Variants in SLC9A2 observed in about 807,000 individuals in gnomAD.
SLC9A2 encodes the protein sodium/hydrogen exchanger 2.
SLC9A2 carries 42 observed loss-of-function variants against 71.7 expected under a neutral mutation model. That is an observed-to-expected ratio of 0.59 (90% CI 0.46 to 0.76). SLC9A2 has a LOEUF of 0.76. Among genes scored for constraint, SLC9A2 ranks in the 30% least tolerant of loss-of-function variants. The pLI is 0.00. For synonymous variants in SLC9A2, 396 were observed against 392.5 expected (o/e 1.01, Z -0.10); for missense variants, 829 against 1,017.4 (o/e 0.81, Z 2.52).
intron 3 of SLC9A2, among the ~76,000 whole-genome samples, chr2:102,678,616 T>C (rs1677389233): frequency 6.6e-6 from 1 of 152,154 alleles, no homozygotes; most frequent in Admixed American, 6.5e-5. Context: ...GAGGAAGAAA[T>C]CTTATCTCTT....
chr2:102,665,773 T>TAAAAA (rs11426516), intron 3 of SLC9A2, among the ~76,000 whole-genome samples: 3,472 of 38,624 alleles, frequency 0.09, 533 homozygotes, highest in East Asian at 0.16. Flanking sequence ...GACTCTGTCT[T>TAAAAA]AAAAAAAAAA....
intron 3 of SLC9A2, among the ~76,000 whole-genome samples, chr2:102,681,118 C>G (rs1457890392): frequency 2.6e-5 from 4 of 152,190 alleles, no homozygotes; most frequent in African/African-American, 9.6e-5. Context: ...GAGATGGATA[C>G]AAACAGGCTT....
At chr2:102,667,999 G>A (rs1677174467) in intron 3 of SLC9A2, among the ~76,000 whole-genome samples, 1 of 152,038 alleles carries the variant, frequency 6.6e-6, no homozygotes, top group Non-Finnish European at 1.5e-5. Context: ...CACTTGAACT[G>A]GGAAGTGGAG....
At chr2:102,651,142 C>T (rs58793722) in intron 1 of SLC9A2, among the ~76,000 whole-genome samples, 37,958 of 151,994 alleles carry the variant, frequency 0.25, 6,415 homozygotes, top group African/African-American at 0.48. Flanking sequence ...CCCCCTCCTG[C>T]CCTACTCACC....
At chr2:102,692,571 C>G (rs147907342) in intron 5 of SLC9A2, among the ~76,000 whole-genome samples, 209 of 152,230 alleles carry the variant, frequency 1.4e-3, no homozygotes, top group African/African-American at 4.7e-3. Context: ...ACTCTCACCC[C>G]CTCCTTACCT....
intron 5 of SLC9A2, among the ~76,000 whole-genome samples, chr2:102,691,479 G>A (rs767767697): frequency 5.3e-5 from 8 of 152,034 alleles, no homozygotes; most frequent in Non-Finnish European, 1.0e-4. Flanking sequence ...TCCAATGTTG[G>A]GGGCTTAATA....
At chr2:102,629,818 G>A (rs1458070925) in intron 1 of SLC9A2, among the ~76,000 whole-genome samples, 1 of 152,060 alleles carries the variant, frequency 6.6e-6, no homozygotes, top group Non-Finnish European at 1.5e-5. Flanking sequence ...TACATATTTT[G>A]TGGTTGTGTG....
intron 5 of SLC9A2, among the ~76,000 whole-genome samples, chr2:102,687,656 A>G (rs1573428318): frequency 6.6e-6 from 1 of 152,310 alleles, no homozygotes; most frequent in Non-Finnish European, 1.5e-5. Flanking sequence ...TGTATGATGC[A>G]TTATTTGATA....
chr2:102,635,367 C>T (rs1573399777), intron 1 of SLC9A2, among the ~76,000 whole-genome samples: 1 of 152,178 alleles, frequency 6.6e-6, no homozygotes, highest in Admixed American at 6.5e-5. Context: ...TTTGTGTGTT[C>T]GCTCGTGAAG....
intron 3 of SLC9A2, among the ~76,000 whole-genome samples, chr2:102,675,298 C>T (rs1252606563): frequency 6.6e-6 from 1 of 152,166 alleles, no homozygotes; most frequent in Non-Finnish European, 1.5e-5. Context: ...GTGAACTGAA[C>T]TCTAGGTTGG....
chr2:102,639,572 C>A lies in SLC9A2; in HGVS notation c.290-17992C>A, dbSNP rs113447063. Among the ~76,000 whole-genome samples the A allele has an allele frequency of 3.1e-4, 47 of 152,284 alleles. 2 individuals carry two copies. The highest frequency in any genetic ancestry group is 1.1e-3 in the African/African-American group (44 of 41,552). On this transcript the variant is annotated intron_variant, in intron 1 of 11. Transcript: ENST00000233969. ...TTTAGCAGTGCTTATGCAGTCACAG[C>A]AATATTTGTAAGTGAACAATTCAGT...
rs199687608 is a variant in SLC9A2, at chr2:102,695,099, C to T, written c.1572C>T (p.Asn524=). 243 of 1,613,390 alleles carry T rather than the reference C, an allele frequency of 1.5e-4. 1 individual carries two copies. Among genetic ancestry groups the T allele is most frequent in the Non-Finnish European group, 1.8e-4 (216 of 1,179,542 alleles). ...ATGTTTGTGGACATTGGGGTCACAA[C>T]TTTTGGAGAGACAAGTAAGAAGGTC... The part of the protein sequence containing the change: ...IEDVCGHWGH[N]FWRDKFKKFD... The change falls in exon 7 of 12, where the codon AAC becomes AAT. Residue 524 remains asparagine, a synonymous_variant. Transcript: ENST00000233969.
chr2:102,631,383 C>A (rs1466116442), intron 1 of SLC9A2, among the ~76,000 whole-genome samples: 1 of 151,518 alleles, frequency 6.6e-6, no homozygotes. Flanking sequence ...CTTTAGTGGT[C>A]TGAAGTCAAA....
chr2:102,649,625 GA>G (rs1363929205), intron 1 of SLC9A2, among the ~76,000 whole-genome samples: 2 of 150,850 alleles, frequency 1.3e-5, no homozygotes, highest in African/African-American at 2.5e-5. Flanking sequence ...AAATTTACAA[GA>G]AAAAAACAAA....
At chr2:102,683,121 A>G (rs1172616147) in intron 3 of SLC9A2, 140 bp from the exon 4 acceptor site, 2 of 668,820 alleles carry the variant, frequency 3.0e-6, no homozygotes, top group African/African-American at 1.8e-5. Context: ...TGCAAATCAC[A>G]TTCACCTATA....
intron 3 of SLC9A2, among the ~76,000 whole-genome samples, chr2:102,666,288 C>G (rs954355476): frequency 1.3e-5 from 2 of 151,220 alleles, no homozygotes; most frequent in Admixed American, 1.3e-4. Flanking sequence ...CTCCGCCTCC[C>G]GGGTTCACAC....
At chr2:102,668,469 C>T (rs576988539) in intron 3 of SLC9A2, among the ~76,000 whole-genome samples, 39 of 152,306 alleles carry the variant, frequency 2.6e-4, no homozygotes, top group South Asian at 1.0e-3. Flanking sequence ...TATCTACACA[C>T]ACGCCTTACA....
intron 1 of SLC9A2, among the ~76,000 whole-genome samples, chr2:102,630,012 A>G (rs1676327836): frequency 1.3e-5 from 2 of 152,062 alleles, no homozygotes; most frequent in African/African-American, 4.8e-5. Context: ...AGTATTTGCT[A>G]TTTTTATCAT....
chr2:102,693,809 C>T (rs1441261966), intron 5 of SLC9A2, among the ~76,000 whole-genome samples: 1 of 152,174 alleles, frequency 6.6e-6, no homozygotes, highest in Non-Finnish European at 1.5e-5. Context: ...CTTAACTATT[C>T]ACCATTGGGT....
Sources: allele counts gnomAD v4.1 joint callset (sites outside exome capture counted in the v4.1 genomes callset), GRCh38; gene constraint gnomAD v4.1.1; transcripts MANE v1.5; gene names NCBI Gene and HGNC (gene_info 2026-07-23, HGNC 2026-07-21).